The following DIP2A variants were observed in gnomAD, a reference collection of about 807,000 sequenced individuals.
The protein encoded by DIP2A is DIP2 acetate--CoA ligase A, also known as disco-interacting protein 2 homolog A.
DIP2A carries 85 observed loss-of-function variants against 177.4 expected under a neutral mutation model. The ratio of observed to expected loss-of-function variants is 0.48; its 90% CI spans 0.40 to 0.57. DIP2A has a LOEUF of 0.57. DIP2A is among the 20% of genes least tolerant of loss of function. The pLI, the probability that DIP2A is intolerant of heterozygous loss-of-function variation, is 0.00. For synonymous variants in DIP2A, 886 were observed against 881.8 expected (o/e 1.00, Z -0.08); for missense variants, 1,791 against 2,100.2 (o/e 0.85, Z 2.88).
chr21:46,535,636 G>A (rs1380554735), intron 13 of DIP2A, among the ~76,000 whole-genome samples: 1 of 152,116 alleles, frequency 6.6e-6, no homozygotes, highest in East Asian at 1.9e-4. Flanking sequence ...ATAAGTTGAG[G>A]GCACAGCTAA....
rs1569119191 is a variant in DIP2A at position 46,563,685 on chromosome 21, ATTTC to A, written c.4090-168_4090-165del. 5.7e-6 allele frequency: 7 copies of A among 1,236,448 alleles called. No homozygotes were observed. Among genetic ancestry groups the A allele is most frequent in the Non-Finnish European group, 7.6e-6 (7 of 926,232 alleles). 76.6% of individuals were successfully genotyped at this position (1,236,448 alleles called of 1,614,324 possible). Reference sequence around the variant, plus strand: ...TTGCTTATTTCTATTAACATCTCTTATTTCTTTCAAAATTCAAAGTCAAATTTGG... The same window carrying A: ...TTGCTTATTTCTATTAACATCTCTTATTTCAAAATTCAAAGTCAAATTTGG... On this transcript the variant is annotated intron_variant, in intron 34 of 37. Transcript: ENST00000417564. This position sits in a 1 kb window ranked among gnomAD's most constrained non-coding sequence, Gnocchi z 4.3.
chr21:46,561,836 G>C lies in DIP2A; in HGVS notation c.4089+31G>C, dbSNP rs764414490. ...GGAAACCAAGACGCGTGCATTCTGA[G>C]TCGCGTCTGAGACCTTTGTCTGAAG... On this transcript the variant is annotated intron_variant, in intron 34 of 37. Transcript: ENST00000417564. The C allele has an allele frequency of 4.3e-6, 7 of 1,612,956 alleles. No homozygotes were observed. In the East Asian group the frequency reaches 1.6e-4, roughly 36 times the overall value.
chr21:46,540,047 GC>G lies in DIP2A; in HGVS notation c.2036+57del. 7.6e-6 allele frequency: 11 copies of G among 1,438,720 alleles called. No homozygotes were observed. In the South Asian group the frequency reaches 1.3e-4, roughly 17 times the overall value. 89.1% of individuals were successfully genotyped at this position (1,438,720 alleles called of 1,614,324 possible). A position where few individuals can be genotyped will look rare whatever the true frequency, so the allele number is the denominator to read the frequency against. On this transcript the variant is annotated intron_variant, in intron 17 of 37. Coordinates refer to ENST00000417564, the MANE Select transcript of DIP2A (RefSeq NM_015151.4). The stretch of plus-strand genomic sequence containing the variant: ...CACTTAGTTGAATCTTCTGCATACA[GC>G]TGAGTTATCCTGGAGCTGTGCCTGT...
chr21:46,493,784 A>C (rs1298295509), intron 3 of DIP2A, among the ~76,000 whole-genome samples: 2 of 152,176 alleles, frequency 1.3e-5, no homozygotes, highest in Admixed American at 1.3e-4. Context: ...AGCCATTTAA[A>C]TGTGAGATTT....
intron 1 of DIP2A, among the ~76,000 whole-genome samples, chr21:46,468,104 A>G (rs962266357): frequency 6.6e-6 from 1 of 151,876 alleles, no homozygotes; most frequent in Non-Finnish European, 1.5e-5. Context: ...CCTCTACTAA[A>G]TAAAAAAAAA....
intron 4 of DIP2A, among the ~76,000 whole-genome samples, chr21:46,497,692 ATTG>A (rs1369500107): frequency 6.6e-6 from 1 of 152,340 alleles, no homozygotes; most frequent in Non-Finnish European, 1.5e-5. Context: ...ATGAACTTGC[ATTG>A]TTGTCATATA....
chr21:46,518,746 A>G (rs2058693166), intron 8 of DIP2A, among the ~76,000 whole-genome samples: 1 of 152,158 alleles, frequency 6.6e-6, no homozygotes, highest in Admixed American at 6.5e-5. Flanking sequence ...AGTCCCAGCT[A>G]CTCGGGAGGC....
intron 2 of DIP2A, among the ~76,000 whole-genome samples, chr21:46,486,588 T>G (rs1170091569): frequency 2.0e-5 from 3 of 152,188 alleles, no homozygotes; most frequent in Non-Finnish European, 4.4e-5. Context: ...AATAGGTTAT[T>G]TCATAAGAGG....
intron 5 of DIP2A, among the ~76,000 whole-genome samples, chr21:46,501,294 C>A (rs919768557): frequency 6.6e-6 from 1 of 152,052 alleles, no homozygotes; most frequent in Non-Finnish European, 1.5e-5. Context: ...ATACATTAAG[C>A]CTTTTTTATA....
chr21:46,575,456 A>G, the DIP2A span, among the ~76,000 whole-genome samples: 1 of 152,188 alleles, frequency 6.6e-6, no homozygotes, highest in Middle Eastern at 3.2e-3. Flanking sequence ...AGGATTCTAA[A>G]TTGGAAAGAA....
intron 2 of DIP2A, among the ~76,000 whole-genome samples, chr21:46,489,426 G>C (rs2056882286): frequency 6.6e-6 from 1 of 152,186 alleles, no homozygotes; most frequent in South Asian, 2.1e-4. Context: ...CTGCTGCCGA[G>C]CACCTGGCTC....
chr21:46,471,266 A>G (rs1432869811), intron 1 of DIP2A, among the ~76,000 whole-genome samples: 1 of 152,152 alleles, frequency 6.6e-6, no homozygotes, highest in Non-Finnish European at 1.5e-5. Flanking sequence ...CCTGGTTTCA[A>G]GCGATCTTCC....
Position 46,490,603 on chromosome 21 carries a change from T to A in DIP2A, c.167T>A (p.Ile56Lys). ...LARYIPLIQG[I>K]DPSLQAENRI... ...TTCCCATAAAATTGTGTTTCAGGAA[T>A]AGACCCATCTCTGCAAGCAGAGAAT... Residue 56 changes from isoleucine to lysine, a missense_variant, in exon 3 of 38, where the codon ATA becomes AAA. Transcript: ENST00000417564. The A allele has an allele frequency of 6.4e-7, 1 of 1,561,986 alleles. No individual in the cohort carries two copies. Among genetic ancestry groups the A allele is most frequent in the Non-Finnish European group, 8.7e-7 (1 of 1,153,136 alleles).
chr21:46,567,642 G>A lies in DIP2A; in HGVS notation c.*20G>A, dbSNP rs1035406006. 32 of 1,559,824 alleles carry A rather than the reference G, an allele frequency of 2.1e-5. No homozygotes were observed. The highest frequency in any genetic ancestry group is 2.6e-5 in the Non-Finnish European group (30 of 1,150,538). On this transcript the variant is annotated 3_prime_UTR_variant, in exon 38 of 38. Transcript: ENST00000417564. ...ATGTGAGCGCAGCACACCGGCCCAG[G>A]TGCCGGAGATGAATGAGCCCCAGCA...
chr21:46,558,555 T>C (rs2060555273), intron 32 of DIP2A, 162 bp downstream of exon 32: 4 of 726,980 alleles, frequency 5.5e-6, no homozygotes, highest in Non-Finnish European at 8.9e-6. Context: ...TCAAGGGTTT[T>C]ATTTTTAAAG....
At chr21:46,459,323 C>T (rs1040212526) in intron 1 of DIP2A, 101 bp downstream of exon 1, 76 of 965,048 alleles carry the variant, frequency 7.9e-5, no homozygotes, top group Non-Finnish European at 1.0e-4. Flanking sequence ...CACTCCAGGA[C>T]CCCCGCCCTT....
rs759275424 is a variant in DIP2A at position 46,549,833 on chromosome 21, G to A, written c.2585G>A (p.Arg862Gln). The change falls in exon 22 of 38, where the codon CGG becomes CAG. Residue 862 changes from arginine (R) to glutamine (Q), a missense_variant. Arg to Gln is a conservative substitution (Grantham distance 43, BLOSUM62 1). Transcript: ENST00000417564. Reference protein sequence around the residue: ...DDRIVLVAEQRPDASEEDSFQ... With the variant: ...DDRIVLVAEQQPDASEEDSFQ... ...CGGATTGTCCTGGTGGCTGAGCAGC[G>A]GCCGGATGCCTCGGAGGAGGACAGC... 1.4e-5 allele frequency: 23 copies of A among 1,613,202 alleles called. No individual in the cohort carries two copies. Among genetic ancestry groups the A allele is most frequent in the East Asian group, 2.2e-5 (1 of 44,892 alleles).
intron 1 of DIP2A, among the ~76,000 whole-genome samples, chr21:46,471,423 G>T (rs935112725): frequency 2.0e-5 from 3 of 152,104 alleles, no homozygotes. Flanking sequence ...ACCCTTATAC[G>T]TGTACAGCCT....
In DIP2A at chr21:46,498,724, C is replaced by T. The variant is rs547584877; in HGVS notation, c.546C>T (p.Ser182=). ...CGTCCACCTCATCCTCTGCATCCTC[C>T]ACCTCATCTCACCCGGGAGGGAGAC... is the stretch of plus-strand genomic sequence containing the variant. ...QGSSTSSSAS[S]TSSHPGGRPT... The change falls in exon 5 of 38, where the codon TCC becomes TCT. Residue 182 remains serine, a synonymous_variant. Transcript: ENST00000417564. This position sits in a 1 kb window ranked among gnomAD's most constrained non-coding sequence, Gnocchi z 4.3. 7 of 1,613,920 alleles carry T rather than the reference C, an allele frequency of 4.3e-6. No individual in the cohort carries two copies. Among genetic ancestry groups the T allele is most frequent in the African/African-American group, 2.7e-5 (2 of 75,054 alleles).
Sources: gnomAD v4.1 joint callset for allele counts (sites outside exome capture counted in the v4.1 genomes callset) on GRCh38, gnomAD v4.1.1 for gene constraint, Gnocchi (gnomAD v3.1) non-coding constraint, MANE v1.5 for transcripts, NCBI Gene and HGNC (gene_info 2026-07-23, HGNC 2026-07-21) for gene names.